The following PIK3C2G variants were observed in gnomAD, a reference collection of about 807,000 sequenced individuals.
PIK3C2G encodes the protein phosphatidylinositol-4-phosphate 3-kinase catalytic subunit type 2 gamma, also known as phosphatidylinositol 3-kinase C2 domain-containing subunit gamma.
A neutral mutation model predicts 181.1 loss-of-function variants in PIK3C2G; 168 were observed. That is an observed-to-expected ratio of 0.93 (90% confidence interval 0.82 to 1.05). PIK3C2G has a LOEUF of 1.05. Among genes scored for constraint, PIK3C2G ranks in the 50% least tolerant of loss-of-function variants. The pLI is 0.00. For synonymous variants in PIK3C2G, 573 were observed against 592.2 expected (o/e 0.97, Z 0.47); for missense variants, 1,869 against 1,732.8 (o/e 1.08, Z -1.40).
At chr12:18,663,306 G>A in the PIK3C2G span, among the ~76,000 whole-genome samples, 188 of 152,120 alleles carry the variant, frequency 1.2e-3, 4 homozygotes, top group East Asian at 0.024. Context: ...CAGATAATAC[G>A]ATCCTGTTTT....
chr12:18,648,599 G>T (rs1358064593), downstream of PIK3C2G, among the ~76,000 whole-genome samples: 1 of 152,028 alleles, frequency 6.6e-6, no homozygotes, highest in Non-Finnish European at 1.5e-5. Flanking sequence ...CTTCTTTGTA[G>T]TTTTTCACCC....
intron 32 of PIK3C2G, 54 bp downstream of exon 32, chr12:18,640,608 C>A: frequency 1.3e-6 from 2 of 1,482,770 alleles, no homozygotes; most frequent in South Asian, 2.5e-5. Context: ...TACCATTTTT[C>A]AGCTTAACAA....
intron 5 of PIK3C2G, among the ~76,000 whole-genome samples, chr12:18,313,723 C>T (rs1395341621): frequency 6.6e-6 from 1 of 152,016 alleles, no homozygotes; most frequent in East Asian, 1.9e-4. Flanking sequence ...AAAAATTTCA[C>T]ATTTCATCAT....
chr12:18,632,676 G>A (rs895694663), intron 31 of PIK3C2G, among the ~76,000 whole-genome samples: 3 of 151,914 alleles, frequency 2.0e-5, no homozygotes, highest in Admixed American at 1.3e-4. Flanking sequence ...TAAGAACCAG[G>A]AGTACAAATG....
intron 1 of PIK3C2G, among the ~76,000 whole-genome samples, chr12:18,269,907 C>CTT (rs1948672191): frequency 8.4e-6 from 1 of 118,460 alleles, no homozygotes; most frequent in Non-Finnish European, 1.9e-5. Context: ...CTTTTTTTTT[C>CTT]TTTTCTTTTT....
chr12:18,704,465 A>G, the PIK3C2G span, among the ~76,000 whole-genome samples: 1 of 152,136 alleles, frequency 6.6e-6, no homozygotes, highest in Admixed American at 6.5e-5. Flanking sequence ...AGCTGGGATT[A>G]CAGGTGGATG....
chr12:18,693,187 C>T, the PIK3C2G span: 20 of 1,559,290 alleles, frequency 1.3e-5, no homozygotes, highest in Non-Finnish European at 5.3e-6. Flanking sequence ...AGCATTCTTT[C>T]ATTTGCAGAC....
At chr12:18,248,435 G>A (rs183614633) in intron 1 of PIK3C2G, among the ~76,000 whole-genome samples, 156 of 152,130 alleles carry the variant, frequency 1.0e-3, no homozygotes, top group Non-Finnish European at 1.9e-3. Context: ...ATTAGCCGGC[G>A]AGGTGGCGGG....
chr12:18,289,598 G>A (rs1949600717), intron 3 of PIK3C2G, among the ~76,000 whole-genome samples: 1 of 152,166 alleles, frequency 6.6e-6, no homozygotes, highest in Non-Finnish European at 1.5e-5. Context: ...AACAGCAGCA[G>A]CTTACTTGGA....
intron 15 of PIK3C2G, 105 bp downstream of exon 15, chr12:18,391,357 T>A: frequency 2.6e-6 from 2 of 768,480 alleles, no homozygotes; most frequent in African/African-American, 3.6e-5. Context: ...CCTTCCTACA[T>A]AACTGGTTTC....
intron 11 of PIK3C2G, among the ~76,000 whole-genome samples, chr12:18,350,805 A>G (rs1940148926): frequency 6.6e-6 from 1 of 152,214 alleles, no homozygotes. Flanking sequence ...GAAATATTCA[A>G]TTCACCAGAA....
chr12:18,513,645 C>T (rs1351902546), intron 24 of PIK3C2G, among the ~76,000 whole-genome samples: 1 of 151,618 alleles, frequency 6.6e-6, no homozygotes, highest in Non-Finnish European at 1.5e-5. Flanking sequence ...ATAATGTCTC[C>T]TCTTTCACTT....
intron 15 of PIK3C2G, among the ~76,000 whole-genome samples, chr12:18,396,975 GA>G (rs1358833816): frequency 6.6e-6 from 1 of 151,648 alleles, no homozygotes; most frequent in Non-Finnish European, 1.5e-5. Context: ...AAGCAATCAT[GA>G]AAAAAGAACA....
At chr12:18,556,081 G>A (rs1944996292) in intron 26 of PIK3C2G, among the ~76,000 whole-genome samples, 1 of 152,144 alleles carries the variant, frequency 6.6e-6, no homozygotes. Context: ...ATAGTGCCTA[G>A]CAAGGGAGAG....
intron 32 of PIK3C2G, among the ~76,000 whole-genome samples, chr12:18,647,468 T>A (rs999204867): frequency 6.7e-6 from 1 of 148,634 alleles, no homozygotes; most frequent in Non-Finnish European, 1.5e-5. Flanking sequence ...AAAAAAAAAA[T>A]AGTCTGCTTT....
chr12:18,435,225 T>C (rs1160718502), intron 18 of PIK3C2G, among the ~76,000 whole-genome samples: 1 of 152,146 alleles, frequency 6.6e-6, no homozygotes, highest in African/African-American at 2.4e-5. Context: ...CCAATAATCT[T>C]TATTTACTTA....
Position 18,320,568 on chromosome 12 carries a change from C to T in PIK3C2G, c.1138-394C>T, listed in dbSNP as rs965695548. On this transcript the variant is annotated intron_variant, in intron 6 of 32. Transcript: ENST00000538779. Reference sequence around the variant, plus strand: ...TGAAGGAGTTGATTATGTGTCTGCCCGCCCATCTGGCAAAATGTCAGGCTT... The same window carrying T: ...TGAAGGAGTTGATTATGTGTCTGCCTGCCCATCTGGCAAAATGTCAGGCTT... 8.5e-5 allele frequency among the ~76,000 whole-genome samples: 13 copies of T among 152,164 alleles called. 1 individual carries two copies. Among genetic ancestry groups the T allele is most frequent in the Admixed American group, 6.5e-5 (1 of 15,282 alleles).
At chr12:18,499,551 C>T (rs1325770178) in intron 22 of PIK3C2G, among the ~76,000 whole-genome samples, 9 of 152,098 alleles carry the variant, frequency 5.9e-5, no homozygotes, top group African/African-American at 2.2e-4. Context: ...ATTTTCAGGG[C>T]AAATAAAAAT....
intron 1 of PIK3C2G, among the ~76,000 whole-genome samples, chr12:18,273,197 C>A (rs1041653644): frequency 6.6e-6 from 1 of 152,130 alleles, no homozygotes; most frequent in Non-Finnish European, 1.5e-5. Context: ...AAAATGCATA[C>A]ATTATTTTCC....
Sources: allele counts gnomAD v4.1 joint callset (sites outside exome capture counted in the v4.1 genomes callset), GRCh38; gene constraint gnomAD v4.1.1; transcripts MANE v1.5; gene names NCBI Gene and HGNC (gene_info 2026-07-23, HGNC 2026-07-21).